The following KCNMB3 variants were observed in gnomAD, a reference collection of about 807,000 sequenced individuals.
KCNMB3 encodes the protein calcium-activated potassium channel subunit beta-3.
KCNMB3 carries 18 observed loss-of-function variants against 11.9 expected under a neutral mutation model. That is an observed-to-expected ratio of 1.51 (90% confidence interval 1.04 to 2.23). The LOEUF (loss-of-function observed/expected upper bound fraction) is 2.23. Among genes scored for constraint, KCNMB3 ranks in the 30% most tolerant of loss-of-function variants. The pLI, the probability that KCNMB3 is intolerant of heterozygous loss-of-function variation, is 0.00. For synonymous variants in KCNMB3, 78 were observed against 119.2 expected (o/e 0.65, Z 2.25); for missense variants, 247 against 329.4 (o/e 0.75, Z 1.94).
At chr3:179,260,966 T>A (rs1425218478) in intron 1 of KCNMB3, 1 of 1,031,968 alleles carries the variant, frequency 9.7e-7, no homozygotes, top group African/African-American at 1.7e-5. Flanking sequence ...GTCCTTGATT[T>A]CCCTGATGGA....
chr3:179,245,714 T>C (rs1265542353), intron 1 of KCNMB3, among the ~76,000 whole-genome samples: 2 of 152,174 alleles, frequency 1.3e-5, no homozygotes, highest in Non-Finnish European at 2.9e-5. Context: ...TTGGCCTGGC[T>C]GGCCTTGAAC....
At chr3:179,260,276 C>T in intron 1 of KCNMB3, 1 of 1,614,084 alleles carries the variant, frequency 6.2e-7, no homozygotes, top group Non-Finnish European at 8.5e-7. Flanking sequence ...CCTCATTTGA[C>T]TCAACCTGTG....
intron 1 of KCNMB3, among the ~76,000 whole-genome samples, chr3:179,263,994 CG>C: frequency 6.6e-6 from 1 of 151,564 alleles, no homozygotes; most frequent in East Asian, 1.9e-4. Context: ...TTAGTAGAAA[CG>C]GGTTTTCACC....
intron 2 of KCNMB3, 23 bp downstream of exon 2, chr3:179,244,472 G>A (rs760603962): frequency 1.3e-5 from 20 of 1,597,432 alleles, no homozygotes; most frequent in Non-Finnish European, 1.6e-5. Flanking sequence ...GCTGTCATAA[G>A]AACTCTTTAA....
intron 1 of KCNMB3, among the ~76,000 whole-genome samples, chr3:179,265,997 G>A (rs1726361264): frequency 6.6e-6 from 1 of 152,224 alleles, no homozygotes; most frequent in Non-Finnish European, 1.5e-5. Context: ...TAGCTAAAAG[G>A]CTAGAGTTTA....
At chr3:179,259,628 C>A in intron 1 of KCNMB3, 2 of 1,608,288 alleles carry the variant, frequency 1.2e-6, no homozygotes, top group Non-Finnish European at 1.7e-6. Flanking sequence ...GCTCTTCTTC[C>A]TTAATTTCAC....
chr3:179,262,555 G>A (rs1224512517), intron 1 of KCNMB3, among the ~76,000 whole-genome samples: 1 of 152,222 alleles, frequency 6.6e-6, no homozygotes. Flanking sequence ...CGTGGAAAGG[G>A]ACCTGAGCAG....
rs1725496426 is a variant in KCNMB3, at chr3:179,242,795, A to ACTT, written c.*106_*108dup. The ACTT allele has an allele frequency of 7.0e-7, 1 of 1,434,590 alleles. No homozygotes were observed. Among genetic ancestry groups the ACTT allele is most frequent in the Non-Finnish European group, 9.2e-7 (1 of 1,087,404 alleles). The allele number at this position is 1,434,590 out of a possible 1,614,324, so 88.9% of individuals were successfully genotyped here. ...ATTTTTTCCCACATGAAAATATGAT[A>ACTT]CTTTAATTATTACCTTTTACATTAT... On this transcript the variant is annotated 3_prime_UTR_variant, in exon 3 of 3. Coordinates refer to ENST00000392685, the MANE Select transcript of KCNMB3 (RefSeq NM_171830.2).
intron 2 of KCNMB3, among the ~76,000 whole-genome samples, chr3:179,244,290 T>C (rs1725560986): frequency 6.6e-6 from 1 of 152,150 alleles, no homozygotes; most frequent in Admixed American, 6.5e-5. Flanking sequence ...GTTGTGAAAT[T>C]GGAATAATTT....
intron 1 of KCNMB3, among the ~76,000 whole-genome samples, chr3:179,246,281 C>A (rs6803076): frequency 0.41 from 62,151 of 151,758 alleles, 13,224 homozygotes; most frequent in African/African-American, 0.51. Context: ...GCATGGTGGC[C>A]GGCACCTGTA....
Position 179,243,030 on chromosome 3 carries a change from G to A in KCNMB3, c.702C>T (p.Ser234=), listed in dbSNP as rs763294368. 88 of 1,599,274 alleles carry A rather than the reference G, an allele frequency of 5.5e-5. No homozygotes were observed. Among genetic ancestry groups the A allele is most frequent in the Non-Finnish European group, 7.2e-5 (84 of 1,173,938 alleles). Residue 234 remains serine (S), a synonymous_variant, in exon 3 of 3, where the codon TCC becomes TCT. Coordinates refer to ENST00000392685, the MANE Select transcript of KCNMB3 (RefSeq NM_171830.2). ...CAGTGCTATATTTTTCACACAGTAA[G>A]GACAGGTGTTGTGTTAATCTCACCA... ...VGMVRLTQHL[S]LLCEKYSTVV... is the part of the protein sequence containing the mutation.
intron 1 of KCNMB3, among the ~76,000 whole-genome samples, chr3:179,261,676 T>C (rs1412388417): frequency 6.6e-6 from 1 of 152,128 alleles, no homozygotes; most frequent in Non-Finnish European, 1.5e-5. Context: ...TTTCCTGGGC[T>C]AGCGATATGC....
Position 179,260,897 on chromosome 3 carries a change from TCTAA to T in KCNMB3, c.62+5748_62+5751del, listed in dbSNP as rs1267431204. On this transcript the variant is annotated intron_variant, in intron 1 of 3. Transcript: ENST00000349697. ...GTAAATGAAGTTTGTGTTTTCATTG[TCTAA>T]CTGAGCATTGGAAAACATAGCCTTC... 3 of 1,152,330 alleles carry T rather than the reference TCTAA, an allele frequency of 2.6e-6. No individual in the cohort carries two copies. In the African/African-American group the frequency reaches 4.8e-5, roughly 19 times the overall value. 71.4% of individuals were successfully genotyped at this position (1,152,330 alleles called of 1,614,324 possible). A position where few individuals can be genotyped will look rare whatever the true frequency, so the allele number is the denominator to read the frequency against.
At chr3:179,260,048 C>T (rs1341405946) in intron 1 of KCNMB3, 7 of 1,611,852 alleles carry the variant, frequency 4.3e-6, no homozygotes. Flanking sequence ...CTATGCTTGT[C>T]TCTAACTGTT....
intron 1 of KCNMB3, among the ~76,000 whole-genome samples, chr3:179,265,491 TTGTC>T (rs2108461239): frequency 6.6e-6 from 1 of 152,172 alleles, no homozygotes; most frequent in Admixed American, 6.5e-5. Flanking sequence ...AGTTTGGCTC[TTGTC>T]GCCCAGGCTG....
chr3:179,262,636 T>C (rs1162669935), intron 1 of KCNMB3, among the ~76,000 whole-genome samples: 1 of 152,120 alleles, frequency 6.6e-6, no homozygotes, highest in Non-Finnish European at 1.5e-5. Context: ...TGCTGATTGG[T>C]CCATTTTACA....
At chr3:179,248,805 C>T (rs992730787) in intron 1 of KCNMB3, among the ~76,000 whole-genome samples, 2 of 150,928 alleles carry the variant, frequency 1.3e-5, no homozygotes, top group Non-Finnish European at 2.9e-5. Context: ...TTGATTAAGA[C>T]ATATTTTGTA....
chr3:179,263,887 C>A (rs917204910), intron 1 of KCNMB3, among the ~76,000 whole-genome samples: 3 of 145,260 alleles, frequency 2.1e-5, no homozygotes, highest in Non-Finnish European at 4.5e-5. Flanking sequence ...CTCACTACAA[C>A]CTCTGCTTCC....
chr3:179,243,755 C>T (rs1034485605), intron 2 of KCNMB3, among the ~76,000 whole-genome samples: 1 of 152,136 alleles, frequency 6.6e-6, no homozygotes, highest in Non-Finnish European at 1.5e-5. Context: ...AGAGAGGGAG[C>T]CCCACCTGGA....
Sources: gnomAD v4.1 joint callset for allele counts (sites outside exome capture counted in the v4.1 genomes callset) on GRCh38, gnomAD v4.1.1 for gene constraint, MANE v1.5 for transcripts, NCBI Gene and HGNC (gene_info 2026-07-23, HGNC 2026-07-21) for gene names.